The following ELP4 variants were observed in gnomAD, a reference collection of about 807,000 sequenced individuals.
The protein encoded by ELP4 is elongator complex protein 4.
A neutral mutation model predicts 48.9 loss-of-function variants in ELP4; 51 were observed. The ratio of observed to expected loss-of-function variants is 1.04; its 90% confidence interval spans 0.83 to 1.32. The LOEUF is 1.32. ELP4 is among the 40% of genes most tolerant of loss of function. The pLI is 0.00. For synonymous variants in ELP4, 210 were observed against 189.2 expected, an observed-to-expected ratio of 1.11 and a Z score of -0.90; for missense variants, 519 against 514.6, an observed-to-expected ratio of 1.01 and a Z score of -0.08.
chr11:31,579,183 A>C (rs946750912), intron 3 of ELP4, among the ~76,000 whole-genome samples: 3 of 152,352 alleles, frequency 2.0e-5, no homozygotes, highest in Middle Eastern at 3.4e-3. Context: ...CACATGAAAA[A>C]ATGCTCGTCA....
At chr11:31,730,937 G>C (rs1947172018) in intron 9 of ELP4, among the ~76,000 whole-genome samples, 1 of 151,674 alleles carries the variant, frequency 6.6e-6, no homozygotes, top group South Asian at 2.1e-4. Context: ...GTATATCAGA[G>C]GAATCAGAGG....
At chr11:31,771,567 A>G (rs1948143187) in intron 9 of ELP4, among the ~76,000 whole-genome samples, 1 of 152,216 alleles carries the variant, frequency 6.6e-6, no homozygotes, top group African/African-American at 2.4e-5. Flanking sequence ...GCTCCAGAAA[A>G]GCTGACTTTT....
chr11:31,704,290 C>T (rs1196093013), intron 9 of ELP4, among the ~76,000 whole-genome samples: 3 of 151,824 alleles, frequency 2.0e-5, no homozygotes, highest in African/African-American at 7.3e-5. Context: ...ATCTTTATTT[C>T]TTAAAACTAT....
intron 5 of ELP4, among the ~76,000 whole-genome samples, chr11:31,623,049 A>G (rs1944655341): frequency 6.6e-6 from 1 of 151,238 alleles, no homozygotes; most frequent in Admixed American, 6.6e-5. Flanking sequence ...AAAGTTGTTG[A>G]AAATATATGA....
At chr11:31,649,856 A>G in intron 8 of ELP4, 1 of 305,132 alleles carries the variant, frequency 3.3e-6, no homozygotes, top group Non-Finnish European at 6.0e-6. Context: ...GACAAGTATT[A>G]AGATCCCTCT....
chr11:31,693,398 G>A (rs1946324769), intron 9 of ELP4, among the ~76,000 whole-genome samples: 1 of 151,920 alleles, frequency 6.6e-6, no homozygotes, highest in Non-Finnish European at 1.5e-5. Context: ...CTATGAGTAA[G>A]AATATGCAGT....
intron 3 of ELP4, 76 bp from the exon 4 acceptor site, chr11:31,594,694 T>C (rs944257759): frequency 4.2e-6 from 4 of 963,304 alleles, no homozygotes; most frequent in Non-Finnish European, 5.9e-6. Flanking sequence ...ATTTCTAGTG[T>C]TGCTAATATT....
chr11:31,730,004 C>T (rs1363568325), intron 9 of ELP4, among the ~76,000 whole-genome samples: 1 of 152,128 alleles, frequency 6.6e-6, no homozygotes, highest in Non-Finnish European at 1.5e-5. Flanking sequence ...TGTGGAAATA[C>T]CAATTCAACA....
intron 9 of ELP4, among the ~76,000 whole-genome samples, chr11:31,733,065 A>G (rs1202071490): frequency 1.3e-5 from 2 of 152,234 alleles, no homozygotes; most frequent in Non-Finnish European, 2.9e-5. Flanking sequence ...AAATGTATCT[A>G]ACAGACATAC....
chr11:31,637,921 GAAAAT>G (rs1945015649), intron 7 of ELP4, among the ~76,000 whole-genome samples: 2 of 151,846 alleles, frequency 1.3e-5, no homozygotes, highest in South Asian at 4.1e-4. Flanking sequence ...GAGGTGAAAA[GAAAAT>G]AAATTTCCCC....
rs780173430 is a variant in ELP4, at chr11:31,783,526, G to T, written c.*2G>T. On this transcript the variant is annotated 3_prime_UTR_variant, in exon 10 of 10. Coordinates refer to ENST00000640961, the MANE Select transcript of ELP4 (RefSeq NM_019040.5). ...GGCAAGAAGCACCTGGACTTCTAGG[G>T]ATTCCTCCTTAGTCGCTGCATGCAG... The T allele has an allele frequency of 6.2e-7, 1 of 1,613,468 alleles. No individual in the cohort carries two copies. Among genetic ancestry groups the T allele is most frequent in the South Asian group, 1.1e-5 (1 of 91,042 alleles).
At chr11:31,510,060 A>C (rs1592067446) in intron 1 of ELP4, 53 bp downstream of exon 1, 1 of 1,552,120 alleles carries the variant, frequency 6.4e-7, no homozygotes. Context: ...TAGGGAGGGG[A>C]CCTGTCGGGG....
intron 3 of ELP4, among the ~76,000 whole-genome samples, chr11:31,590,018 C>G (rs1273094743): frequency 6.6e-6 from 1 of 152,168 alleles, no homozygotes; most frequent in Non-Finnish European, 1.5e-5. Flanking sequence ...CAACTGGCTT[C>G]AGATTCCCAG....
intron 3 of ELP4, among the ~76,000 whole-genome samples, chr11:31,589,882 CATT>C (rs1375032835): frequency 8.5e-5 from 13 of 152,190 alleles, no homozygotes; most frequent in African/African-American, 2.6e-4. Flanking sequence ...TTTTATGATA[CATT>C]ATTATCATGT....
At chr11:31,766,594 C>T (rs1393974399) in intron 9 of ELP4, among the ~76,000 whole-genome samples, 3 of 151,610 alleles carry the variant, frequency 2.0e-5, no homozygotes, top group East Asian at 1.9e-4. Context: ...TATTTAGTTA[C>T]AGAGAAATAA....
intron 9 of ELP4, among the ~76,000 whole-genome samples, chr11:31,716,720 A>G (rs1946848618): frequency 6.6e-6 from 1 of 152,210 alleles, no homozygotes; most frequent in Non-Finnish European, 1.5e-5. Flanking sequence ...AGTACCTGCA[A>G]TGTACCTAGC....
intron 3 of ELP4, among the ~76,000 whole-genome samples, chr11:31,572,129 A>G (rs919042057): frequency 6.6e-6 from 1 of 152,170 alleles, no homozygotes. Flanking sequence ...ATCTACATTG[A>G]AAATCTGTTG....
At position 31,790,186 on chromosome 11, in the gene ELP4, C is replaced by T. The variant is rs897687079; in HGVS notation, c.*6662C>T. ...CAATTGTTACAAATAAAAGTAGCAC[C>T]TTCAGAAACTAGACAATATATGTAT... is the stretch of plus-strand genomic sequence containing the variant. On this transcript the variant is annotated 3_prime_UTR_variant, in exon 10 of 10. Transcript: ENST00000640961. 4 of 626,746 alleles carry T rather than the reference C, an allele frequency of 6.4e-6. No individual in the cohort carries two copies. The Admixed American group carries it at 1.2e-4, about 19-fold the overall frequency. The allele number at this position is 626,746 out of a possible 1,614,324, so 38.8% of individuals were successfully genotyped here. A position where few individuals can be genotyped will look rare whatever the true frequency, so the allele number is the denominator to read the frequency against.
intron 9 of ELP4, among the ~76,000 whole-genome samples, chr11:31,704,582 T>C (rs12786874): frequency 1.3e-5 from 2 of 152,016 alleles, no homozygotes; most frequent in Non-Finnish European, 2.9e-5. Flanking sequence ...CACATGTATA[T>C]ATATGTAACA....
Sources: allele counts gnomAD v4.1 joint callset (sites outside exome capture counted in the v4.1 genomes callset), GRCh38; gene constraint gnomAD v4.1.1; transcripts MANE v1.5; gene names NCBI Gene and HGNC (gene_info 2026-07-23, HGNC 2026-07-21).